CAMTA1: variants seen among roughly 807,000 people sequenced by gnomAD.
CAMTA1 encodes calmodulin binding transcription activator 1.
A neutral mutation model predicts 170.9 loss-of-function variants in CAMTA1; 27 were observed. That is an observed-to-expected ratio of 0.16 (90% CI 0.12 to 0.22). The LOEUF is 0.22. CAMTA1 is among the 10% of genes least tolerant of loss of function. CAMTA1 has a pLI of 1.00. For missense variants in CAMTA1, 1,619 were observed against 2,217.2 expected (o/e 0.73, Z 5.42); for synonymous variants, 833 against 891.5 (o/e 0.93, Z 1.17).
At chr1:6,801,945 T>G (rs1362773933) in intron 1 of CAMTA1, among the ~76,000 whole-genome samples, 2 of 152,188 alleles carry the variant, frequency 1.3e-5, no homozygotes, top group African/African-American at 4.8e-5. Context: ...CAGAAAAGTC[T>G]GAGGTTCTTA....
At chr1:7,337,362 G>C (rs950427932) in intron 5 of CAMTA1, among the ~76,000 whole-genome samples, 1 of 152,222 alleles carries the variant, frequency 6.6e-6, no homozygotes, top group South Asian at 2.1e-4. Context: ...CCCGGCCGTG[G>C]TACCCAGATG....
chr1:7,606,210 A>G (rs1400478305), intron 6 of CAMTA1, among the ~76,000 whole-genome samples: 1 of 152,204 alleles, frequency 6.6e-6, no homozygotes, highest in Non-Finnish European at 1.5e-5. Flanking sequence ...CCTTCTTCCC[A>G]GGCAGGGGCT....
chr1:6,855,206 T>A (rs146519645), intron 3 of CAMTA1, among the ~76,000 whole-genome samples: 1 of 151,982 alleles, frequency 6.6e-6, no homozygotes, highest in Admixed American at 6.6e-5. Flanking sequence ...AAACACAAAT[T>A]CCAAATTTGT....
chr1:7,344,117 G>C (rs1209364857), intron 5 of CAMTA1, among the ~76,000 whole-genome samples: 1 of 152,186 alleles, frequency 6.6e-6, no homozygotes. Context: ...CGGGCTCAGA[G>C]GGGTAACTCT....
chr1:7,586,558 C>A (rs2095311708), intron 6 of CAMTA1, among the ~76,000 whole-genome samples: 1 of 152,168 alleles, frequency 6.6e-6, no homozygotes, highest in Admixed American at 6.5e-5. Context: ...GCCTAACTGG[C>A]ACCACCCCGT....
intron 22 of CAMTA1, among the ~76,000 whole-genome samples, chr1:7,757,795 T>A (rs2096941935): frequency 6.6e-6 from 1 of 152,188 alleles, no homozygotes; most frequent in Non-Finnish European, 1.5e-5. Flanking sequence ...TAAAGGCTCA[T>A]TTATTTAAAA....
chr1:6,925,129 C>T (rs1294085695), intron 3 of CAMTA1, among the ~76,000 whole-genome samples: 1 of 152,230 alleles, frequency 6.6e-6, no homozygotes. Flanking sequence ...GGCCCAAGGG[C>T]AGAAGGGCCT....
Position 7,457,994 on chromosome 1 carries a change from C to T in CAMTA1, c.439-9836C>T, listed in dbSNP as rs570954364. Among the ~76,000 whole-genome samples, 486 of 152,254 alleles carry T rather than the reference C, an allele frequency of 3.2e-3. 2 individuals carry two copies. The highest frequency in any genetic ancestry group is 0.011 in the African/African-American group (472 of 41,556). ...CTTTCTGCCTCATGATGGGGTGGGG[C>T]GCCCACGTGTCCTGCGCCTGCCTGG... On this transcript the variant is annotated intron_variant, in intron 5 of 22. Transcript: ENST00000303635.
intron 5 of CAMTA1, among the ~76,000 whole-genome samples, chr1:7,345,294 C>G (rs1188075526): frequency 6.6e-6 from 1 of 152,202 alleles, no homozygotes; most frequent in Non-Finnish European, 1.5e-5. Context: ...AAATCCTTCC[C>G]TATCTCAAAG....
intron 4 of CAMTA1, among the ~76,000 whole-genome samples, chr1:7,126,175 C>G (rs1034254757): frequency 2.0e-5 from 3 of 152,160 alleles, no homozygotes; most frequent in African/African-American, 7.2e-5. Flanking sequence ...CCCACTGGGT[C>G]CCTCCCACAA....
intron 5 of CAMTA1, among the ~76,000 whole-genome samples, chr1:7,374,804 A>G (rs1328970711): frequency 1.3e-5 from 2 of 152,188 alleles, no homozygotes; most frequent in Non-Finnish European, 2.9e-5. Flanking sequence ...TCATGCTGTT[A>G]TTACCCCCAC....
chr1:6,856,796 TGAG>T (rs1662582869), intron 3 of CAMTA1, among the ~76,000 whole-genome samples: 1 of 151,960 alleles, frequency 6.6e-6, no homozygotes, highest in African/African-American at 2.4e-5. Context: ...ATGAAAGTGA[TGAG>T]GAGGAGGTTA....
intron 5 of CAMTA1, among the ~76,000 whole-genome samples, chr1:7,262,283 C>G (rs191798289): frequency 1.3e-5 from 2 of 152,010 alleles, no homozygotes; most frequent in Non-Finnish European, 2.9e-5. Flanking sequence ...TTAAATGGGC[C>G]GGGCGCGGTG....
At chr1:6,916,524 T>G (rs561919620) in intron 3 of CAMTA1, among the ~76,000 whole-genome samples, 70 of 152,362 alleles carry the variant, frequency 4.6e-4, no homozygotes, top group Admixed American at 1.6e-3. Context: ...TCTCTCCTTC[T>G]TTAAACTTTT....
chr1:7,756,421 A>G (rs1321856194), intron 22 of CAMTA1, among the ~76,000 whole-genome samples: 1 of 152,240 alleles, frequency 6.6e-6, no homozygotes, highest in East Asian at 1.9e-4. Context: ...AATTACAATG[A>G]GTAATTTTAG....
Position 7,737,565 on chromosome 1 carries a change from A to G in CAMTA1, c.3653A>G (p.Asn1218Ser), listed in dbSNP as rs41278954. 1 of 1,601,794 alleles carries G rather than the reference A, an allele frequency of 6.2e-7. No individual in the cohort carries two copies. ...PKGVTVIAST[N>S]PELRRPRSEP... Reference sequence around the variant, plus strand: ...GGAGTCACTGTTATTGCAAGCACCAACCCAGGTAAGAATTCAGAATCATGA... The same window carrying G: ...GGAGTCACTGTTATTGCAAGCACCAGCCCAGGTAAGAATTCAGAATCATGA... The change falls in exon 15 of 23, where the codon AAC (asparagine) becomes AGC (serine). Residue 1218 changes from asparagine to serine, a missense_variant. Physicochemically the swap from Asn to Ser is conservative, Grantham distance 46. Transcript: ENST00000303635.
chr1:7,118,817 T>C (rs963357454), intron 4 of CAMTA1, among the ~76,000 whole-genome samples: 34 of 152,142 alleles, frequency 2.2e-4, no homozygotes, highest in Admixed American at 2.2e-3. Flanking sequence ...GCAGGAGACC[T>C]TGATGGAAGG....
intron 6 of CAMTA1, among the ~76,000 whole-genome samples, chr1:7,601,184 C>G (rs1467919881): frequency 8.3e-6 from 1 of 120,306 alleles, no homozygotes; most frequent in Non-Finnish European, 1.9e-5. Context: ...CCCTCCCGGA[C>G]GGGGTGGCTG....
intron 5 of CAMTA1, among the ~76,000 whole-genome samples, chr1:7,431,815 C>T (rs956814582): frequency 6.6e-6 from 1 of 152,194 alleles, no homozygotes; most frequent in Non-Finnish European, 1.5e-5. Context: ...TAAGGCTTTT[C>T]TGATGCCTAA....
Sources: gnomAD v4.1 joint callset for allele counts (sites outside exome capture counted in the v4.1 genomes callset) on GRCh38, gnomAD v4.1.1 for gene constraint, MANE v1.5 for transcripts, NCBI Gene and HGNC (gene_info 2026-07-23, HGNC 2026-07-21) for gene names.